Variants in RUNX3 observed in about 807,000 individuals in gnomAD.
RUNX3 encodes the protein RUNX family transcription factor 3.
RUNX3 carries 10 observed loss-of-function variants against 27.7 expected under a neutral mutation model. That is an observed-to-expected ratio of 0.36 (90% CI 0.22 to 0.61). The LOEUF (loss-of-function observed/expected upper bound fraction) is 0.61, where lower values mean the gene tolerates loss of function less well. Among genes scored for constraint, RUNX3 ranks in the 20% least tolerant of loss-of-function variants. The pLI is 0.72. For missense variants in RUNX3, 469 were observed against 629.5 expected (o/e 0.75, Z 2.73); for synonymous variants, 270 against 269.2 (o/e 1.00, Z -0.03).
At chr1:24,928,863 C>A in intron 1 of RUNX3, 1 of 362,232 alleles carries the variant, frequency 2.8e-6, no homozygotes, top group Non-Finnish European at 5.4e-6. Context: ...TCCTGCCCTG[C>A]CCTTTTCTCA....
Position 24,927,653 on chromosome 1 carries a change from C to T in RUNX3, c.360G>A (p.Glu120=). The T allele has an allele frequency of 6.2e-7, 1 of 1,614,188 alleles. No homozygotes were observed. Among genetic ancestry groups the T allele is most frequent in the South Asian group, 1.1e-5 (1 of 91,088 alleles). Residue 120 remains glutamate, a synonymous_variant, in exon 2 of 5, where the codon GAG becomes GAA. Coordinates refer to ENST00000308873, the MANE Select transcript of RUNX3 (RefSeq NM_004350.3). This position sits in a 1 kb window ranked among gnomAD's most constrained non-coding sequence, Gnocchi z 5.0. The part of the protein sequence containing the change: ...MAGNDENYSA[E]LRNASAVMKN... ...TCATGACGGCCGAGGCATTGCGCAG[C>T]TCAGCGGAGTAGTTCTCGTCATTGC...
At chr1:24,951,032 C>A (rs945071668) in intron 2 of RUNX3, among the ~76,000 whole-genome samples, 1 of 151,944 alleles carries the variant, frequency 6.6e-6, no homozygotes, top group African/African-American at 2.4e-5. Flanking sequence ...ATGGGGAAAC[C>A]CTGTCTCTAC....
chr1:24,946,609 G>A (rs1231410537), intron 2 of RUNX3, among the ~76,000 whole-genome samples: 1 of 152,170 alleles, frequency 6.6e-6, no homozygotes, highest in African/African-American at 2.4e-5. Context: ...GTTCCCTTGT[G>A]ATGGGCTGTT....
rs761643520 is a variant in RUNX3 at position 24,923,519 on chromosome 1, G to T, written c.439+4055C>A. Reference sequence around the variant, plus strand: ...CTGAGGGCTGGCCCTGGTTGCAGGGGAGAAGTCTTGGTCTGGGAAATGGGT... The same window carrying T: ...CTGAGGGCTGGCCCTGGTTGCAGGGTAGAAGTCTTGGTCTGGGAAATGGGT... On this transcript the variant is annotated intron_variant, in intron 2 of 4. Transcript: ENST00000308873. The surrounding 1 kb of genome is among the most constrained non-coding windows in gnomAD (Gnocchi z 5.9). Among the ~76,000 whole-genome samples the T allele has an allele frequency of 6.6e-6, 1 of 152,192 alleles. No homozygotes were observed. Among genetic ancestry groups the T allele is most frequent in the Non-Finnish European group, 1.5e-5 (1 of 68,034 alleles).
intron 2 of RUNX3, among the ~76,000 whole-genome samples, chr1:24,951,679 A>T (rs1641771010): frequency 6.6e-6 from 1 of 152,158 alleles, no homozygotes; most frequent in African/African-American, 2.4e-5. Flanking sequence ...AAGACCAAGG[A>T]TGCTCCTTGA....
In RUNX3 at chr1:24,955,395, A is replaced by G. The variant is rs923172330; in HGVS notation, c.58+9119T>C. ...AAGGTCCTCTTTCCTCTTCTTAAAC[A>G]TTAGTTGCAGCAAGTCCCACCATCT... On this transcript the variant is annotated intron_variant, in intron 2 of 6. Coordinates refer to the RUNX3 transcript ENST00000338888. Among the ~76,000 whole-genome samples the G allele has an allele frequency of 2.0e-5, 3 of 152,290 alleles. No homozygotes were observed. In the East Asian group the frequency reaches 5.8e-4, roughly 29 times the overall value.
chr1:24,959,202 A>G (rs984695619), intron 2 of RUNX3, among the ~76,000 whole-genome samples: 4 of 152,176 alleles, frequency 2.6e-5, no homozygotes, highest in African/African-American at 9.7e-5. Context: ...TGAGCCCTCT[A>G]TATGACCAGT....
Position 24,902,704 on chromosome 1 carries a change from G to A in RUNX3, c.704-38C>T. ...AGGGAAGAGGTCAGTTCCAGCTCGA[G>A]ACAACCCCAGGAGGGCTTCCTGAAG... On this transcript the variant is annotated intron_variant, in intron 4 of 4. Coordinates refer to ENST00000308873, the MANE Select transcript of RUNX3 (RefSeq NM_004350.3). The surrounding 1 kb of genome is among the most constrained non-coding windows in gnomAD (Gnocchi z 9.2). 1 of 1,487,314 alleles carries A rather than the reference G, an allele frequency of 6.7e-7. No homozygotes were observed. The highest frequency in any genetic ancestry group is 1.4e-5 in the South Asian group (1 of 71,744). The allele number at this position is 1,487,314 out of a possible 1,614,324, so 92.1% of individuals were successfully genotyped here. A position where few individuals can be genotyped will look rare whatever the true frequency, so the allele number is the denominator to read the frequency against.
chr1:24,925,769 T>C (rs1009144703), intron 2 of RUNX3, among the ~76,000 whole-genome samples: 7 of 151,908 alleles, frequency 4.6e-5, no homozygotes, highest in African/African-American at 1.2e-4. Flanking sequence ...TGAGAGGAGA[T>C]GGATGAGAGA....
intron 2 of RUNX3, among the ~76,000 whole-genome samples, chr1:24,957,880 T>G (rs1641985927): frequency 6.6e-6 from 1 of 152,266 alleles, no homozygotes; most frequent in African/African-American, 2.4e-5. Flanking sequence ...TGGCTGCAGC[T>G]GAGGCTTATA....
intron 2 of RUNX3, among the ~76,000 whole-genome samples, chr1:24,922,896 A>C (rs941494528): frequency 2.0e-5 from 3 of 151,708 alleles, no homozygotes; most frequent in African/African-American, 7.3e-5. Context: ...CACAATGCAT[A>C]TGCTTTTAAT....
intron 2 of RUNX3, among the ~76,000 whole-genome samples, chr1:24,920,461 T>C (rs1031912955): frequency 2.6e-5 from 4 of 152,206 alleles, no homozygotes; most frequent in Admixed American, 6.5e-5. Context: ...TCTATCAAGA[T>C]GGAAGATCTT....
chr1:24,959,886 C>A (rs556832392), intron 2 of RUNX3, among the ~76,000 whole-genome samples: 8 of 152,340 alleles, frequency 5.3e-5, no homozygotes, highest in Non-Finnish European at 1.0e-4. Flanking sequence ...ACCCACACCA[C>A]GCTCCCAGCC....
chr1:24,945,997 G>A (rs1210959574), intron 2 of RUNX3, among the ~76,000 whole-genome samples: 3 of 152,094 alleles, frequency 2.0e-5, no homozygotes, highest in African/African-American at 7.2e-5. Flanking sequence ...CTTTGGCATG[G>A]GGCTTCAAAC....
chr1:24,953,268 G>A (rs1235317121), intron 2 of RUNX3, among the ~76,000 whole-genome samples: 1 of 151,512 alleles, frequency 6.6e-6, no homozygotes, highest in African/African-American at 2.4e-5. Flanking sequence ...GAGAGGCTGA[G>A]GCAGGAGAAT....
chr1:24,937,482 T>C (rs1641374919), intron 2 of RUNX3, among the ~76,000 whole-genome samples: 3 of 152,246 alleles, frequency 2.0e-5, no homozygotes. Flanking sequence ...GCCAGTTTGC[T>C]TATATCACCT....
In RUNX3 at chr1:24,943,126, C is replaced by T. The variant is rs965842281; in HGVS notation, c.59-13274G>A. Among the ~76,000 whole-genome samples the T allele has an allele frequency of 3.3e-5, 5 of 152,238 alleles. No homozygotes were observed. The highest frequency in any genetic ancestry group is 7.2e-5 in the African/African-American group (3 of 41,468). ...CTTGCCCGGTGTTCCAGCCACCAGG[C>T]GGGACCAGCGCCGGGCAGACTGCCG... On this transcript the variant is annotated intron_variant, in intron 2 of 6. Transcript: ENST00000338888. The surrounding 1 kb of genome is among the most constrained non-coding windows in gnomAD (Gnocchi z 4.6).
At chr1:24,940,367 G>A (rs898706431) in intron 2 of RUNX3, among the ~76,000 whole-genome samples, 11 of 152,162 alleles carry the variant, frequency 7.2e-5, no homozygotes, top group African/African-American at 2.7e-4. Flanking sequence ...CCAATCATCC[G>A]TGATTCAGAG....
intron 2 of RUNX3, among the ~76,000 whole-genome samples, chr1:24,953,219 G>T (rs1217777573): frequency 6.6e-6 from 1 of 151,896 alleles, no homozygotes; most frequent in Non-Finnish European, 1.5e-5. Flanking sequence ...ACAAAAATTA[G>T]CCAGGCGTAG....
Sources: allele counts gnomAD v4.1 joint callset (sites outside exome capture counted in the v4.1 genomes callset), GRCh38; gene constraint gnomAD v4.1.1; non-coding constraint Gnocchi (gnomAD v3.1); transcripts MANE v1.5; gene names NCBI Gene and HGNC (gene_info 2026-07-23, HGNC 2026-07-21).